Variants in BCAS3 observed in about 807,000 individuals in gnomAD.
The protein encoded by BCAS3 is BCAS4/BCAS3 fusion.
Under a neutral mutation model 116.1 loss-of-function variants are expected in BCAS3, and 53 were observed. The observed-to-expected ratio is 0.46, with a 90% confidence interval of 0.37 to 0.57. The LOEUF (loss-of-function observed/expected upper bound fraction) is 0.57, where lower values mean the gene tolerates loss of function less well. BCAS3 is among the 20% of genes least tolerant of loss of function. The pLI is 0.00. For missense variants in BCAS3, 917 were observed against 1,165.4 expected (o/e 0.79, Z 3.10); for synonymous variants, 391 against 408.2 (o/e 0.96, Z 0.51).
rs1363145560 is a variant in BCAS3, at chr17:61,161,568, T to G, written c.2425+77004T>G. ...CTATCAGTATCTTTTTTTTCTTTTATTTTGCCTCAGTATACACATTTCTGA... is the reference window on the plus strand; with the variant it reads ...CTATCAGTATCTTTTTTTTCTTTTAGTTTGCCTCAGTATACACATTTCTGA... On this transcript the variant is annotated intron_variant, in intron 22 of 23. Coordinates refer to ENST00000407086, the MANE Select transcript of BCAS3 (RefSeq NM_017679.5). This position sits in a 1 kb window ranked among gnomAD's most constrained non-coding sequence, Gnocchi z 4.8. Among the ~76,000 whole-genome samples, 1 of 152,212 alleles carries G rather than the reference T, an allele frequency of 6.6e-6. No individual in the cohort carries two copies. Among genetic ancestry groups the G allele is most frequent in the Non-Finnish European group, 1.5e-5 (1 of 68,038 alleles).
Position 61,261,901 on chromosome 17 carries a change from G to A in BCAS3, c.2426-106426G>A, listed in dbSNP as rs1159381682. ...ATTTAAAGACACATGGAAGCTGGGGGCAGAGCTTTAGAATTTAGGATGGTT... is the reference window on the plus strand; with the variant it reads ...ATTTAAAGACACATGGAAGCTGGGGACAGAGCTTTAGAATTTAGGATGGTT... On this transcript the variant is annotated intron_variant, in intron 22 of 23. Coordinates refer to ENST00000407086, the MANE Select transcript of BCAS3 (RefSeq NM_017679.5). The surrounding 1 kb of genome is among the most constrained non-coding windows in gnomAD (Gnocchi z 4.4). Among the ~76,000 whole-genome samples, 2 of 152,152 alleles carry A rather than the reference G, an allele frequency of 1.3e-5. No homozygotes were observed. Among genetic ancestry groups the A allele is most frequent in the Admixed American group, 6.5e-5 (1 of 15,274 alleles).
At position 60,747,201 on chromosome 17, in the gene BCAS3, A is replaced by G. The variant is rs1367694864; in HGVS notation, c.325A>G (p.Ser109Gly). 1.9e-6 allele frequency: 3 copies of G among 1,608,884 alleles called. No individual in the cohort carries two copies. The South Asian group carries it at 3.3e-5, about 18-fold the overall frequency. Reference protein sequence around the residue: ...DGMQVWSIPISGEAQELFSVR... With the variant: ...DGMQVWSIPIGGEAQELFSVR... ...TTTTCTTTCTTCTCTTATGCAGATCAGTGGTGAAGCACAAGAGCTCTTCTC... is the reference window on the plus strand; with the variant it reads ...TTTTCTTTCTTCTCTTATGCAGATCGGTGGTGAAGCACAAGAGCTCTTCTC... Residue 109 changes from serine to glycine, a missense_variant, in exon 6 of 24, where the codon AGT (serine) becomes GGT (glycine). Coordinates refer to ENST00000407086, the MANE Select transcript of BCAS3 (RefSeq NM_017679.5).
chr17:61,215,038 A>G lies in BCAS3; in HGVS notation c.2425+130474A>G, dbSNP rs2081705215. 6.6e-6 allele frequency among the ~76,000 whole-genome samples: 1 copy of G among 152,220 alleles called. No individual in the cohort carries two copies. The highest frequency in any genetic ancestry group is 2.4e-5 in the African/African-American group (1 of 41,458). ...GGATCTCTTTTGATCACTGGAGCAG[A>G]TAAGCAGGAAATATAACTAACCAAG... On this transcript the variant is annotated intron_variant, in intron 22 of 23. Coordinates refer to ENST00000407086, the MANE Select transcript of BCAS3 (RefSeq NM_017679.5). The surrounding 1 kb of genome is among the most constrained non-coding windows in gnomAD (Gnocchi z 4.8).
intron 13 of BCAS3, among the ~76,000 whole-genome samples, chr17:60,925,094 A>T (rs1201326990): frequency 3.3e-5 from 5 of 150,652 alleles, no homozygotes; most frequent in Non-Finnish European, 3.0e-5. Flanking sequence ...CTATTTTTTT[A>T]AAAAAAGATA....
At chr17:60,887,171 G>C (rs889338353) in intron 9 of BCAS3, 8 of 152,522 alleles carry the variant, frequency 5.2e-5, no homozygotes, top group African/African-American at 1.9e-4. Flanking sequence ...AAGCCGGTCT[G>C]AAAAGCGCAA....
At chr17:61,158,105 G>T (rs2144043395) in intron 22 of BCAS3, among the ~76,000 whole-genome samples, 1 of 152,114 alleles carries the variant, frequency 6.6e-6, no homozygotes, top group South Asian at 2.1e-4. Flanking sequence ...CATTAATACT[G>T]TAAAATGCTA....
intron 22 of BCAS3, among the ~76,000 whole-genome samples, chr17:61,318,604 T>A (rs3785852): frequency 0.26 from 39,745 of 152,060 alleles, 6,898 homozygotes; most frequent in African/African-American, 0.49. Context: ...TTATTTCCCG[T>A]GTTTCTCCCC....
At position 61,390,483 on chromosome 17, in the gene BCAS3, T is replaced by G. The variant is rs904214050; in HGVS notation, c.2594-1494T>G. ...TCCCATCCCCCTACTTTCCCCAATT[T>G]GCCAAGAAGCCCTGGTGTCCCAGTG... On this transcript the variant is annotated intron_variant, in intron 23 of 23. Coordinates refer to ENST00000407086, the MANE Select transcript of BCAS3 (RefSeq NM_017679.5). The surrounding 1 kb of genome is among the most constrained non-coding windows in gnomAD (Gnocchi z 6.8). 1 of 152,112 alleles carries G rather than the reference T, an allele frequency of 6.6e-6. No individual in the cohort carries two copies. Among genetic ancestry groups the G allele is most frequent in the African/African-American group, 2.4e-5 (1 of 41,362 alleles). The allele number at this position is 152,112 out of a possible 1,614,324, so 9.4% of individuals were successfully genotyped here.
At chr17:60,997,040 G>C (rs1219945043) in intron 15 of BCAS3, among the ~76,000 whole-genome samples, 1 of 152,110 alleles carries the variant, frequency 6.6e-6, no homozygotes, top group Non-Finnish European at 1.5e-5. Flanking sequence ...GGAGGTTTTG[G>C]GATTAAACGG....
intron 4 of BCAS3, among the ~76,000 whole-genome samples, chr17:60,695,556 T>C (rs1038410501): frequency 6.6e-6 from 1 of 152,252 alleles, no homozygotes; most frequent in African/African-American, 2.4e-5. Context: ...GGTAATTCTT[T>C]TTTAAATTTT....
intron 4 of BCAS3, among the ~76,000 whole-genome samples, chr17:60,693,708 C>T (rs757659991): frequency 5.9e-5 from 9 of 151,412 alleles, no homozygotes; most frequent in Non-Finnish European, 1.2e-4. Context: ...CTACTATGCC[C>T]GGCATGGCCA....
chr17:61,125,143 T>G (rs2075987555), intron 22 of BCAS3, among the ~76,000 whole-genome samples: 1 of 152,226 alleles, frequency 6.6e-6, no homozygotes, highest in African/African-American at 2.4e-5. Context: ...ATTTTCTAAT[T>G]TTGGCAAATA....
chr17:61,101,976 G>T (rs945073856), intron 22 of BCAS3, among the ~76,000 whole-genome samples: 2 of 152,008 alleles, frequency 1.3e-5, no homozygotes, highest in African/African-American at 2.4e-5. Context: ...AAAGGCTGTG[G>T]GATGATACCT....
intron 19 of BCAS3, among the ~76,000 whole-genome samples, chr17:61,062,970 G>C (rs1332332724): frequency 2.0e-5 from 3 of 152,184 alleles, no homozygotes; most frequent in Admixed American, 6.5e-5. Context: ...TATTGTTGTG[G>C]TGGAGAGGAC....
chr17:60,947,067 G>C (rs1272521809), intron 13 of BCAS3, 152 bp from the exon 14 acceptor site: 1 of 716,244 alleles, frequency 1.4e-6, no homozygotes, highest in Non-Finnish European at 2.2e-6. Flanking sequence ...ACATGAAAAA[G>C]ATATTTTATT....
At chr17:61,252,907 T>C (rs1483909451) in intron 22 of BCAS3, among the ~76,000 whole-genome samples, 1 of 138,944 alleles carries the variant, frequency 7.2e-6, no homozygotes, top group Non-Finnish European at 1.5e-5. Context: ...TGAGATGGAG[T>C]CTTACTCTGT....
chr17:61,188,002 C>G lies in BCAS3; in HGVS notation c.2425+103438C>G, dbSNP rs2079880237. Reference sequence around the variant, plus strand: ...TCTTTCTAGCCCCCATCCTAGTCCTCAAAACAATGTTAACTTTTTCTAAAA... The same window carrying G: ...TCTTTCTAGCCCCCATCCTAGTCCTGAAAACAATGTTAACTTTTTCTAAAA... On this transcript the variant is annotated intron_variant, in intron 22 of 23. Transcript: ENST00000407086. This position sits in a 1 kb window ranked among gnomAD's most constrained non-coding sequence, Gnocchi z 4.0. Among the ~76,000 whole-genome samples, 1 of 152,088 alleles carries G rather than the reference C, an allele frequency of 6.6e-6. No individual in the cohort carries two copies. Among genetic ancestry groups the G allele is most frequent in the Non-Finnish European group, 1.5e-5 (1 of 68,010 alleles).
chr17:60,702,564 C>T (rs2036554019), intron 4 of BCAS3, among the ~76,000 whole-genome samples: 1 of 152,052 alleles, frequency 6.6e-6, no homozygotes, highest in Admixed American at 6.6e-5. Flanking sequence ...GGAATCTGGC[C>T]TAAGGACTAT....
In BCAS3 at chr17:61,347,801, G is replaced by A. The variant is rs1013253352; in HGVS notation, c.2426-20526G>A. Among the ~76,000 whole-genome samples, 5 of 152,166 alleles carry A rather than the reference G, an allele frequency of 3.3e-5. No individual in the cohort carries two copies. The highest frequency in any genetic ancestry group is 7.2e-5 in the African/African-American group (3 of 41,434). ...TGGTAGACTTTTCCGGCTGACCTAA[G>A]TCCTCAAAGATGAATAGGACTTCAC... On this transcript the variant is annotated intron_variant, in intron 22 of 23. Coordinates refer to ENST00000407086, the MANE Select transcript of BCAS3 (RefSeq NM_017679.5). This position sits in a 1 kb window ranked among gnomAD's most constrained non-coding sequence, Gnocchi z 4.3.
Sources: allele counts gnomAD v4.1 joint callset (sites outside exome capture counted in the v4.1 genomes callset), GRCh38; gene constraint gnomAD v4.1.1; non-coding constraint Gnocchi (gnomAD v3.1); transcripts MANE v1.5; gene names NCBI Gene and HGNC (gene_info 2026-07-23, HGNC 2026-07-21).